CACNA1A: variants seen among roughly 807,000 people sequenced by gnomAD.
CACNA1A encodes voltage-dependent P/Q-type calcium channel subunit alpha-1A.
CACNA1A carries 57 observed loss-of-function variants against 262.4 expected under a neutral mutation model. The ratio of observed to expected loss-of-function variants is 0.22; its 90% CI spans 0.18 to 0.27. CACNA1A has a LOEUF of 0.27. CACNA1A is among the 10% of genes least tolerant of loss of function. CACNA1A has a pLI of 1.00. For missense variants in CACNA1A, 2,526 were observed against 3,562.8 expected (o/e 0.71, Z 7.41); for synonymous variants, 1,431 against 1,419.3 (o/e 1.01, Z -0.18).
intron 1 of CACNA1A, among the ~76,000 whole-genome samples, chr19:13,481,246 A>G (rs1284362538): frequency 6.6e-6 from 1 of 152,154 alleles, no homozygotes; most frequent in Non-Finnish European, 1.5e-5. Flanking sequence ...AGAAGTGGAG[A>G]GCTGGCAAAG....
At chr19:13,465,433 G>T (rs1477738816) in intron 1 of CACNA1A, among the ~76,000 whole-genome samples, 1 of 152,100 alleles carries the variant, frequency 6.6e-6, no homozygotes, top group Non-Finnish European at 1.5e-5. Context: ...AATTAAACAC[G>T]ATGTTGCCTT....
chr19:13,418,542 A>C lies in CACNA1A; in HGVS notation c.539+34334T>G, dbSNP rs1371471096. Among the ~76,000 whole-genome samples, 3 of 152,202 alleles carry C rather than the reference A, an allele frequency of 2.0e-5. No homozygotes were observed. The East Asian group carries it at 5.8e-4, about 29-fold the overall frequency. Reference sequence around the variant, plus strand: ...GATTTTCTGAGTGGGGCCTAAATGCAGTCATATGTATCCTTATGACACAGC... The same window carrying C: ...GATTTTCTGAGTGGGGCCTAAATGCCGTCATATGTATCCTTATGACACAGC... On this transcript the variant is annotated intron_variant, in intron 3 of 46. Coordinates refer to ENST00000360228, the MANE Select transcript of CACNA1A (RefSeq NM_001127222.2).
intron 19 of CACNA1A, among the ~76,000 whole-genome samples, chr19:13,293,605 G>A (rs889586172): frequency 1.3e-4 from 19 of 146,554 alleles, no homozygotes; most frequent in Admixed American, 2.7e-4. Flanking sequence ...CACCACCTAC[G>A]CCCGGCTAAT....
chr19:13,247,181 C>T (rs1471129827), intron 30 of CACNA1A, among the ~76,000 whole-genome samples: 3 of 152,180 alleles, frequency 2.0e-5, no homozygotes, highest in Admixed American at 6.5e-5. Context: ...GGGGTTGGGG[C>T]GGTCAGTGTG....
At chr19:13,323,066 A>G (rs1467830369) in intron 10 of CACNA1A, among the ~76,000 whole-genome samples, 1 of 152,122 alleles carries the variant, frequency 6.6e-6, no homozygotes, top group African/African-American at 2.4e-5. Context: ...GAGGTCAGGA[A>G]TTCAAGACCA....
rs1268288699 is a variant in CACNA1A, at chr19:13,308,660, C to A, written c.1669-132G>T. 3.7e-5 allele frequency: 22 copies of A among 595,324 alleles called. No homozygotes were observed. The highest frequency in any genetic ancestry group is 6.3e-5 in the Non-Finnish European group (21 of 335,364). 36.9% of individuals were successfully genotyped at this position (595,324 alleles called of 1,614,324 possible). A position where few individuals can be genotyped will look rare whatever the true frequency, so the allele number is the denominator to read the frequency against. ...TCCAAATGGAAGCCGGGTGAGGATC[C>A]TTGACCCCCTCATTCATCCATTCAT... On this transcript the variant is annotated intron_variant, in intron 12 of 46. Coordinates refer to ENST00000360228, the MANE Select transcript of CACNA1A (RefSeq NM_001127222.2). The surrounding 1 kb of genome is among the most constrained non-coding windows in gnomAD (Gnocchi z 4.2).
intron 1 of CACNA1A, among the ~76,000 whole-genome samples, chr19:13,472,322 G>C (rs571522041): frequency 6.6e-6 from 1 of 151,636 alleles, no homozygotes; most frequent in South Asian, 2.1e-4. Context: ...ACATATATAT[G>C]CTTTATATAT....
At chr19:13,352,403 CAAAAA>C (rs202072454) in intron 6 of CACNA1A, among the ~76,000 whole-genome samples, 1 of 82,618 alleles carries the variant, frequency 1.2e-5, no homozygotes, top group African/African-American at 4.6e-5. Flanking sequence ...GACTCCATCT[CAAAAA>C]AAAAAAAAAA....
intron 10 of CACNA1A, among the ~76,000 whole-genome samples, chr19:13,324,084 G>C (rs991760277): frequency 6.6e-6 from 1 of 152,176 alleles, no homozygotes; most frequent in Admixed American, 6.5e-5. Context: ...TGTAATGTGT[G>C]ACAACAGGGA....
intron 1 of CACNA1A, among the ~76,000 whole-genome samples, chr19:13,462,715 GCTGGGGCT>G (rs2061146870): frequency 6.6e-6 from 1 of 152,212 alleles, no homozygotes; most frequent in Non-Finnish European, 1.5e-5. Flanking sequence ...TACTGGCAGA[GCTGGGGCT>G]CACACCCAGG....
intron 1 of CACNA1A, among the ~76,000 whole-genome samples, chr19:13,497,725 A>G (rs2145159117): frequency 6.6e-6 from 1 of 150,712 alleles, no homozygotes; most frequent in African/African-American, 2.4e-5. Context: ...CCTGGGTGAC[A>G]GAGTGAGACT....
intron 10 of CACNA1A, among the ~76,000 whole-genome samples, chr19:13,321,862 G>A (rs2058260254): frequency 6.6e-6 from 1 of 151,932 alleles, no homozygotes; most frequent in African/African-American, 2.4e-5. Flanking sequence ...TATAAACACT[G>A]TATGCTCAGG....
chr19:13,208,899 G>T lies in CACNA1A; in HGVS notation c.6637C>A (p.His2213Asn). The change falls in exon 46 of 47, where the codon CAC (histidine) becomes AAC (asparagine). Residue 2213 changes from histidine to asparagine, a missense_variant. His to Asn is a moderately conservative substitution (Grantham distance 68). Transcript: ENST00000360228. The part of the protein sequence containing the change: ...KDRKHRQHHH[H>N]HHHHHHPPPP... ...GGGGGATGGTGGTGGTGGTGGTGGTGGTGGTGGTGCTGTCGATGCTTCCGA... is the reference window on the plus strand; with the variant it reads ...GGGGGATGGTGGTGGTGGTGGTGGTTGTGGTGGTGCTGTCGATGCTTCCGA... 1 of 1,536,600 alleles carries T rather than the reference G, an allele frequency of 6.5e-7. No homozygotes were observed.
Position 13,228,791 on chromosome 19 carries a change from G to A in CACNA1A, c.5529-1264C>T, listed in dbSNP as rs561575026. 3.8e-6 allele frequency: 6 copies of A among 1,578,256 alleles called. No homozygotes were observed. The East Asian group carries it at 7.1e-5, about 19-fold the overall frequency. Reference sequence around the variant, plus strand: ...CTGTACATATCCTTATAATGAATCCGACCGCTGAAAGGAGAAGAAAGGGGG... The same window carrying A: ...CTGTACATATCCTTATAATGAATCCAACCGCTGAAAGGAGAAGAAAGGGGG... On this transcript the variant is annotated intron_variant, in intron 36 of 46. Transcript: ENST00000360228.
intron 3 of CACNA1A, among the ~76,000 whole-genome samples, chr19:13,379,483 G>A (rs2059477181): frequency 6.6e-6 from 1 of 152,106 alleles, no homozygotes; most frequent in Non-Finnish European, 1.5e-5. Context: ...CAGATGTTAG[G>A]GCGATGAGTG....
chr19:13,338,407 A>T (rs1470264121), intron 6 of CACNA1A, among the ~76,000 whole-genome samples: 1 of 152,220 alleles, frequency 6.6e-6, no homozygotes, highest in East Asian at 1.9e-4. Flanking sequence ...CTGATCCAAG[A>T]TCACTACAAT....
intron 3 of CACNA1A, among the ~76,000 whole-genome samples, chr19:13,436,151 A>G (rs1055709301): frequency 2.6e-5 from 4 of 152,138 alleles, no homozygotes. Context: ...TTCAGAAAGG[A>G]CAAGGGAATG....
chr19:13,358,634 G>A (rs1599274530), intron 6 of CACNA1A, among the ~76,000 whole-genome samples: 1 of 152,150 alleles, frequency 6.6e-6, no homozygotes, highest in Admixed American at 6.5e-5. Context: ...GAACTAAAGG[G>A]GTTGCATATT....
intron 1 of CACNA1A, among the ~76,000 whole-genome samples, chr19:13,469,460 C>CTTTTTTTTT (rs1164678494): frequency 1.6e-5 from 1 of 62,152 alleles, no homozygotes; most frequent in Non-Finnish European, 3.0e-5. Context: ...TGAACCACCT[C>CTTTTTTTTT]TTTTTTTTTT....
Sources: gnomAD v4.1 joint callset for allele counts (sites outside exome capture counted in the v4.1 genomes callset) on GRCh38, gnomAD v4.1.1 for gene constraint, Gnocchi (gnomAD v3.1) non-coding constraint, MANE v1.5 for transcripts, NCBI Gene and HGNC (gene_info 2026-07-23, HGNC 2026-07-21) for gene names.